Variants in FBXL7 observed in about 807,000 individuals in gnomAD.
FBXL7 encodes the protein F-box and leucine rich repeat protein 7, also known as F-box/LRR-repeat protein 7.
In FBXL7, 12 loss-of-function variants were observed where a neutral mutation model predicts 38.3. The ratio of observed to expected loss-of-function variants is 0.31; its 90% CI spans 0.20 to 0.51. The LOEUF (loss-of-function observed/expected upper bound fraction) is 0.51. Among genes scored for constraint, FBXL7 ranks in the 20% least tolerant of loss-of-function variants. The probability of loss-of-function intolerance (pLI) is 0.98; values close to 1 mark genes in which losing one functional copy is unlikely to be tolerated. For synonymous variants in FBXL7, 297 were observed against 300.9 expected, an observed-to-expected ratio of 0.99 and a Z score of 0.13; for missense variants, 567 against 676.4, an observed-to-expected ratio of 0.84 and a Z score of 1.79.
intron 2 of FBXL7, among the ~76,000 whole-genome samples, chr5:15,683,840 G>A (rs1449471870): frequency 1.3e-5 from 2 of 152,146 alleles, no homozygotes; most frequent in Non-Finnish European, 2.9e-5. Context: ...ATGGGAAGTA[G>A]AAGTTTATCA....
At chr5:15,561,711 C>T (rs1383758309) in intron 1 of FBXL7, among the ~76,000 whole-genome samples, 1 of 151,824 alleles carries the variant, frequency 6.6e-6, no homozygotes, top group African/African-American at 2.4e-5. Flanking sequence ...TACTTCTCAC[C>T]CTCACCAACA....
At chr5:15,645,391 C>A (rs551250542) in intron 2 of FBXL7, among the ~76,000 whole-genome samples, 1 of 152,268 alleles carries the variant, frequency 6.6e-6, no homozygotes, top group East Asian at 1.9e-4. Context: ...AAAGAATGTG[C>A]CTGTTCTTCT....
chr5:15,765,473 C>T (rs1736563085), intron 2 of FBXL7, among the ~76,000 whole-genome samples: 1 of 152,166 alleles, frequency 6.6e-6, no homozygotes, highest in South Asian at 2.1e-4. Flanking sequence ...CATACCTAGC[C>T]AGTGTGTTAT....
intron 2 of FBXL7, among the ~76,000 whole-genome samples, chr5:15,804,642 C>T (rs1231990394): frequency 6.6e-6 from 1 of 152,172 alleles, no homozygotes; most frequent in Admixed American, 6.5e-5. Context: ...AACCAAGCTG[C>T]ACAGTAGGTG....
chr5:15,720,124 G>T (rs1744154262), intron 2 of FBXL7, among the ~76,000 whole-genome samples: 1 of 149,042 alleles, frequency 6.7e-6, no homozygotes, highest in Admixed American at 6.8e-5. Flanking sequence ...CGTAAAATAG[G>T]ATGTTAGCAA....
chr5:15,716,438 A>G (rs146941886), intron 2 of FBXL7, among the ~76,000 whole-genome samples: 1 of 152,314 alleles, frequency 6.6e-6, no homozygotes, highest in African/African-American at 2.4e-5. Context: ...TAACAAGATT[A>G]AGTAACATTG....
intron 2 of FBXL7, among the ~76,000 whole-genome samples, chr5:15,763,846 C>T (rs1299163129): frequency 6.6e-6 from 1 of 152,168 alleles, no homozygotes; most frequent in Non-Finnish European, 1.5e-5. Context: ...GAATAGGCTC[C>T]TGCAATTATG....
chr5:15,602,743 G>GTC (rs1739841331), intron 1 of FBXL7, among the ~76,000 whole-genome samples: 1 of 152,078 alleles, frequency 6.6e-6, no homozygotes, highest in African/African-American at 2.4e-5. Context: ...CCAAAAAGAA[G>GTC]AATAAAATAC....
At chr5:15,890,326 G>A (rs1740848317) in intron 2 of FBXL7, among the ~76,000 whole-genome samples, 1 of 152,108 alleles carries the variant, frequency 6.6e-6, no homozygotes, top group Non-Finnish European at 1.5e-5. Flanking sequence ...TCTGCTCACT[G>A]CAACCTCCGC....
chr5:15,870,563 T>TG (rs1739911746), intron 2 of FBXL7, among the ~76,000 whole-genome samples: 1 of 152,036 alleles, frequency 6.6e-6, no homozygotes, highest in Non-Finnish European at 1.5e-5. Context: ...AAAAAGATGG[T>TG]GGGGGGATTA....
intron 2 of FBXL7, among the ~76,000 whole-genome samples, chr5:15,653,411 G>C (rs1261837380): frequency 6.6e-6 from 1 of 152,158 alleles, no homozygotes; most frequent in Non-Finnish European, 1.5e-5. Context: ...CCACAGGAAA[G>C]AAACCCCCTA....
intron 2 of FBXL7, among the ~76,000 whole-genome samples, chr5:15,717,546 G>A (rs1240211488): frequency 6.6e-6 from 1 of 152,158 alleles, no homozygotes; most frequent in Non-Finnish European, 1.5e-5. Flanking sequence ...ACCAGGGATC[G>A]GGACATTTGA....
rs114503458 is a variant in FBXL7, at chr5:15,515,766, G to T, written c.37+15053G>T. On this transcript the variant is annotated intron_variant, in intron 1 of 3. Transcript: ENST00000504595. Reference sequence around the variant, plus strand: ...CAGATTCATCAGGTAGAGGAAACAAGCAGGAGTGAGTTGAATCATAAGCAA... The same window carrying T: ...CAGATTCATCAGGTAGAGGAAACAATCAGGAGTGAGTTGAATCATAAGCAA... Among the ~76,000 whole-genome samples the T allele has an allele frequency of 2.1e-3, 321 of 152,278 alleles. 3 individuals are homozygous for T. Among genetic ancestry groups the T allele is most frequent in the African/African-American group, 7.4e-3 (307 of 41,554 alleles).
intron 1 of FBXL7, among the ~76,000 whole-genome samples, chr5:15,602,859 A>G (rs1054017129): frequency 1.3e-5 from 2 of 152,176 alleles, no homozygotes; most frequent in Non-Finnish European, 2.9e-5. Context: ...TTTTAGAGAC[A>G]GGGTCTCTCT....
intron 1 of FBXL7, among the ~76,000 whole-genome samples, chr5:15,564,050 T>G (rs1486649981): frequency 6.6e-6 from 1 of 152,138 alleles, no homozygotes; most frequent in Non-Finnish European, 1.5e-5. Flanking sequence ...TTCACACATG[T>G]AACAGATGAT....
Position 15,887,614 on chromosome 5 carries a change from G to A in FBXL7, c.128-40276G>A, listed in dbSNP as rs555124629. ...CTCTGCGCTTCTAAGCTTTGTTAAG[G>A]TGTATCCCTAAAGACAGGGAGCTAA... On this transcript the variant is annotated intron_variant, in intron 2 of 3. Transcript: ENST00000504595. 3.3e-5 allele frequency among the ~76,000 whole-genome samples: 5 copies of A among 152,226 alleles called. No individual in the cohort carries two copies. In the East Asian group the frequency reaches 9.7e-4, roughly 29 times the overall value.
intron 2 of FBXL7, among the ~76,000 whole-genome samples, chr5:15,637,708 A>G (rs1452021499): frequency 4.6e-5 from 7 of 152,238 alleles, no homozygotes; most frequent in African/African-American, 1.7e-4. Flanking sequence ...TTTAGAAAAG[A>G]AGGACTGGAA....
intron 2 of FBXL7, among the ~76,000 whole-genome samples, chr5:15,841,929 T>A (rs1433669208): frequency 6.6e-6 from 1 of 152,256 alleles, no homozygotes; most frequent in East Asian, 1.9e-4. Flanking sequence ...GAGGTCTGTT[T>A]CAGGGGCGGA....
intron 2 of FBXL7, among the ~76,000 whole-genome samples, chr5:15,735,970 C>T (rs966547880): frequency 1.3e-5 from 2 of 152,042 alleles, no homozygotes; most frequent in East Asian, 1.9e-4. Flanking sequence ...TTTGTTAAAG[C>T]GAGAGCAGGA....
Sources: gnomAD v4.1 joint callset for allele counts (sites outside exome capture counted in the v4.1 genomes callset) on GRCh38, gnomAD v4.1.1 for gene constraint, MANE v1.5 for transcripts, NCBI Gene and HGNC (gene_info 2026-07-23, HGNC 2026-07-21) for gene names.